GABRG3: variants seen among roughly 807,000 people sequenced by gnomAD.
The protein encoded by GABRG3 is gamma-aminobutyric acid type A receptor subunit gamma3, also known as gamma-aminobutyric acid receptor subunit gamma-3.
Under a neutral mutation model 48.8 loss-of-function variants are expected in GABRG3, and 25 were observed. The ratio of observed to expected loss-of-function variants is 0.51; its 90% CI spans 0.37 to 0.72. GABRG3 has a LOEUF of 0.72. Ranked by LOEUF, GABRG3 falls within the 30% of genes least tolerant of loss-of-function variation. The pLI is 0.00. For missense variants in GABRG3, 394 were observed against 577.9 expected, an observed-to-expected ratio of 0.68 and a Z score of 3.26; for synonymous variants, 227 against 217.6, an observed-to-expected ratio of 1.04 and a Z score of -0.38.
intron 5 of GABRG3, among the ~76,000 whole-genome samples, chr15:27,463,335 G>T (rs550496303): frequency 5.3e-5 from 8 of 152,308 alleles, no homozygotes; most frequent in Admixed American, 3.3e-4. Flanking sequence ...TGACAGGAAA[G>T]ATTTGATATT....
intron 3 of GABRG3, among the ~76,000 whole-genome samples, chr15:27,215,714 T>C (rs1173909630): frequency 6.6e-6 from 1 of 152,126 alleles, no homozygotes; most frequent in African/African-American, 2.4e-5. Context: ...TTCTGATTGC[T>C]CGAGTCAGGG....
Position 27,535,232 on chromosome 15 carries a change from A to C in GABRG3, c.*2351A>C, listed in dbSNP as rs1438962735. ...AGAACTGCAACCTGCTACATTGTAA[A>C]CGAAGTTCTGGAGAGAACTGAATTT... is the stretch of plus-strand genomic sequence containing the variant. On this transcript the variant is annotated 3_prime_UTR_variant, in exon 10 of 10. Transcript: ENST00000615808. The C allele has an allele frequency of 6.6e-6, 1 of 152,234 alleles. No individual in the cohort carries two copies. Among genetic ancestry groups the C allele is most frequent in the African/African-American group, 2.4e-5 (1 of 41,468 alleles). 9.4% of individuals were successfully genotyped at this position (152,234 alleles called of 1,614,324 possible).
chr15:27,049,453 C>A (rs1018183075), intron 3 of GABRG3, among the ~76,000 whole-genome samples: 1 of 152,180 alleles, frequency 6.6e-6, no homozygotes, highest in African/African-American at 2.4e-5. Context: ...CTGCTTCTAA[C>A]TTGGGAGCTC....
intron 5 of GABRG3, among the ~76,000 whole-genome samples, chr15:27,404,979 A>G (rs1300066966): frequency 1.3e-5 from 2 of 152,210 alleles, no homozygotes; most frequent in Non-Finnish European, 2.9e-5. Context: ...AATAGCTTAT[A>G]CTTTGAGAGC....
chr15:27,137,335 C>T (rs769180273), intron 3 of GABRG3, among the ~76,000 whole-genome samples: 2 of 152,092 alleles, frequency 1.3e-5, no homozygotes, highest in African/African-American at 4.8e-5. Flanking sequence ...GTGGTGGGTG[C>T]CAAATGAAGG....
chr15:27,221,172 A>T (rs1322790174), intron 3 of GABRG3, among the ~76,000 whole-genome samples: 1 of 152,128 alleles, frequency 6.6e-6, no homozygotes, highest in African/African-American at 2.4e-5. Flanking sequence ...TTTGAGAGAG[A>T]TCGACCTGTT....
intron 5 of GABRG3, among the ~76,000 whole-genome samples, chr15:27,436,547 G>T (rs1888616873): frequency 6.6e-6 from 1 of 152,216 alleles, no homozygotes; most frequent in Non-Finnish European, 1.5e-5. Context: ...TGTCAAACAT[G>T]TTGGACATAG....
At chr15:27,435,368 A>G (rs1888580748) in intron 5 of GABRG3, among the ~76,000 whole-genome samples, 1 of 152,056 alleles carries the variant, frequency 6.6e-6, no homozygotes, top group Non-Finnish European at 1.5e-5. Context: ...CTCTCTTGCA[A>G]CTACTGAACT....
chr15:27,006,511 T>A (rs773626953), intron 2 of GABRG3, among the ~76,000 whole-genome samples: 2 of 152,200 alleles, frequency 1.3e-5, no homozygotes, highest in Non-Finnish European at 2.9e-5. Context: ...CTCTTCCAAC[T>A]TTTATTTTAG....
chr15:27,171,501 G>A lies in GABRG3; in HGVS notation c.270+144680G>A, dbSNP rs1249018902. Among the ~76,000 whole-genome samples, 11 of 69,660 alleles carry A rather than the reference G, an allele frequency of 1.6e-4. No homozygotes were observed. In the East Asian group the frequency reaches 2.7e-3, roughly 17 times the overall value. 45.7% of individuals were successfully genotyped at this position (69,660 alleles called of 152,430 possible). A position where few individuals can be genotyped will look rare whatever the true frequency, so the allele number is the denominator to read the frequency against. On this transcript the variant is annotated intron_variant, in intron 3 of 9. Transcript: ENST00000615808. The stretch of plus-strand genomic sequence containing the variant: ...CTCCCCAAATTGTGTGTGTGTGCAT[G>A]TCTAACATATATATATATATATACA...
At chr15:27,490,206 G>T (rs181848943) in intron 6 of GABRG3, among the ~76,000 whole-genome samples, 1 of 152,310 alleles carries the variant, frequency 6.6e-6, no homozygotes, top group African/African-American at 2.4e-5. Context: ...ATTGATTTTA[G>T]TTGGTTGATA....
intron 3 of GABRG3, among the ~76,000 whole-genome samples, chr15:27,273,779 A>T (rs1891164826): frequency 6.6e-6 from 1 of 152,186 alleles, no homozygotes; most frequent in Admixed American, 6.5e-5. Flanking sequence ...TATAATCCTA[A>T]TCACATTTCC....
chr15:27,381,459 ACT>A (rs1418265898), intron 5 of GABRG3, among the ~76,000 whole-genome samples: 1 of 152,052 alleles, frequency 6.6e-6, no homozygotes, highest in Non-Finnish European at 1.5e-5. Flanking sequence ...GGAGTTTTTA[ACT>A]CTGAGATTTT....
intron 2 of GABRG3, among the ~76,000 whole-genome samples, chr15:27,010,234 CTG>C (rs1895660557): frequency 6.6e-6 from 1 of 152,186 alleles, no homozygotes; most frequent in African/African-American, 2.4e-5. Flanking sequence ...ATATCCAGAG[CTG>C]TGTGCCACCC....
intron 5 of GABRG3, among the ~76,000 whole-genome samples, chr15:27,429,885 C>A (rs1888400211): frequency 6.6e-6 from 1 of 152,138 alleles, no homozygotes; most frequent in African/African-American, 2.4e-5. Flanking sequence ...TGTGAAAATT[C>A]ATGTGCAGGT....
Position 27,319,747 on chromosome 15 carries a change from G to A in GABRG3, c.271-7062G>A, listed in dbSNP as rs892906857. 6.6e-6 allele frequency among the ~76,000 whole-genome samples: 1 copy of A among 152,124 alleles called. No individual in the cohort carries two copies. Among genetic ancestry groups the A allele is most frequent in the Non-Finnish European group, 1.5e-5 (1 of 68,026 alleles). Reference sequence around the variant, plus strand: ...CCATGGTGGCTATAGTAACGGGTTGGTTTGTAAGCAAGCACGATACACGGA... The same window carrying A: ...CCATGGTGGCTATAGTAACGGGTTGATTTGTAAGCAAGCACGATACACGGA... On this transcript the variant is annotated intron_variant, in intron 3 of 9. Coordinates refer to ENST00000615808, the MANE Select transcript of GABRG3 (RefSeq NM_033223.5). The surrounding 1 kb of genome is among the most constrained non-coding windows in gnomAD (Gnocchi z 4.4).
intron 3 of GABRG3, among the ~76,000 whole-genome samples, chr15:27,028,177 G>A (rs1896017222): frequency 6.6e-6 from 1 of 152,196 alleles, no homozygotes; most frequent in African/African-American, 2.4e-5. Flanking sequence ...GCTCCTTCAC[G>A]GTGATACGGC....
intron 3 of GABRG3, among the ~76,000 whole-genome samples, chr15:27,128,392 T>C (rs1331873478): frequency 2.6e-5 from 4 of 152,090 alleles, no homozygotes; most frequent in African/African-American, 7.2e-5. Flanking sequence ...TTAAGACTTA[T>C]CTCAGGTACC....
chr15:27,516,792 C>A (rs1007800934), intron 6 of GABRG3, among the ~76,000 whole-genome samples: 1 of 152,202 alleles, frequency 6.6e-6, no homozygotes, highest in Non-Finnish European at 1.5e-5. Flanking sequence ...TCCACTGTGA[C>A]GTTTCAAAAC....
Sources: gnomAD v4.1 joint callset for allele counts (sites outside exome capture counted in the v4.1 genomes callset) on GRCh38, gnomAD v4.1.1 for gene constraint, Gnocchi (gnomAD v3.1) non-coding constraint, MANE v1.5 for transcripts, NCBI Gene and HGNC (gene_info 2026-07-23, HGNC 2026-07-21) for gene names.